Variants in SAR1B observed in about 807,000 individuals in gnomAD.
SAR1B encodes secretion associated Ras related GTPase 1B.
SAR1B carries 23 observed loss-of-function variants against 26.8 expected under a neutral mutation model. That is an observed-to-expected ratio of 0.86 (90% CI 0.62 to 1.22). SAR1B has a LOEUF of 1.22. Among genes scored for constraint, SAR1B ranks in the 50% most tolerant of loss-of-function variants. SAR1B has a pLI of 0.00. For synonymous variants in SAR1B, 65 were observed against 80.8 expected (o/e 0.80, Z 1.05); for missense variants, 196 against 232.8 (o/e 0.84, Z 1.03).
At chr5:134,628,321 G>A (rs1765536002) in intron 1 of SAR1B, among the ~76,000 whole-genome samples, 1 of 147,472 alleles carries the variant, frequency 6.8e-6, no homozygotes, top group African/African-American at 2.5e-5. Context: ...AGTTCTCAGG[G>A]GTCCTGTAAA....
rs1477999252 is a variant in SAR1B at position 134,606,635 on chromosome 5, G to A, written c.*315C>T. The A allele has an allele frequency of 1.3e-5, 4 of 303,518 alleles. No homozygotes were observed. Among genetic ancestry groups the A allele is most frequent in the Non-Finnish European group, 2.6e-5 (4 of 154,814 alleles). The allele number at this position is 303,518 out of a possible 1,614,324, so 18.8% of individuals were successfully genotyped here. ...GATGAGCTTTTAAATATGGTTTATA[G>A]TTTCATGTTGTTAAAAAGTGCTTCA... On this transcript the variant is annotated 3_prime_UTR_variant, in exon 7 of 7. Transcript: ENST00000402673.
intron 1 of SAR1B, among the ~76,000 whole-genome samples, chr5:134,625,553 G>A (rs897117990): frequency 1.3e-5 from 2 of 152,142 alleles, no homozygotes; most frequent in African/African-American, 4.8e-5. Context: ...AAGTCTCTAA[G>A]CCAAAAACAG....
At chr5:134,626,494 G>A (rs1765496810) in intron 1 of SAR1B, among the ~76,000 whole-genome samples, 1 of 151,954 alleles carries the variant, frequency 6.6e-6, no homozygotes, top group Admixed American at 6.6e-5. Flanking sequence ...ACAACACCAT[G>A]AACACACTAT....
intron 3 of SAR1B, among the ~76,000 whole-genome samples, chr5:134,619,910 G>C (rs1765376971): frequency 6.6e-6 from 1 of 152,042 alleles, no homozygotes; most frequent in African/African-American, 2.4e-5. Context: ...ACTTGCACCT[G>C]GGAGTTTAAA....
intron 4 of SAR1B, among the ~76,000 whole-genome samples, chr5:134,611,023 C>A (rs1765204495): frequency 6.6e-6 from 1 of 151,886 alleles, no homozygotes; most frequent in South Asian, 2.1e-4. Flanking sequence ...ATCACTATGC[C>A]CCATTAATTG....
chr5:134,611,513 G>C (rs1765211467), intron 4 of SAR1B, among the ~76,000 whole-genome samples: 1 of 151,550 alleles, frequency 6.6e-6, no homozygotes, highest in Non-Finnish European at 1.5e-5. Context: ...TTGAGGCCAG[G>C]ACTTCAAAAT....
Position 134,606,954 on chromosome 5 carries a change from T to G in SAR1B, c.593A>C (p.Asp198Ala), listed in dbSNP as rs960875347. The change falls in exon 7 of 7, where the codon GAT (aspartate) becomes GCT (alanine). Residue 198 changes from aspartate to alanine, a missense_variant. Coordinates refer to ENST00000402673, the MANE Select transcript of SAR1B (RefSeq NM_016103.4). ...TGGAACCAATGTGAGTTTGTGTTAA[T>G]CAATGTACTGTGCCATCCAGCGGAA... Reference protein sequence around the residue: ...EGFRWMAQYID With the variant: ...EGFRWMAQYIA 1 of 1,605,124 alleles carries G rather than the reference T, an allele frequency of 6.2e-7. No individual in the cohort carries two copies. Among genetic ancestry groups the G allele is most frequent in the African/African-American group, 1.3e-5 (1 of 74,742 alleles).
chr5:134,609,403 C>T (rs181585245), intron 5 of SAR1B, among the ~76,000 whole-genome samples, 168 bp downstream of exon 5: 1 of 152,320 alleles, frequency 6.6e-6, no homozygotes, highest in Admixed American at 6.5e-5. Context: ...GTTACTCCCT[C>T]TGCATTCTAA....
rs1387067911 is a variant in SAR1B, at chr5:134,612,628, G to C, written c.244+63C>G. ...CCACTGCACTCCAGCCTGGGAGACA[G>C]AGTGAGCCTGTCTAAAAAAAAAAAA... is the stretch of plus-strand genomic sequence containing the variant. On this transcript the variant is annotated intron_variant, in intron 4 of 6. Transcript: ENST00000402673. 2.6e-6 allele frequency: 3 copies of C among 1,170,378 alleles called. No homozygotes were observed. The African/African-American group carries it at 6.8e-5, about 27-fold the overall frequency. 72.5% of individuals were successfully genotyped at this position (1,170,378 alleles called of 1,614,324 possible).
At chr5:134,617,974 T>TA (rs1217079630) in intron 3 of SAR1B, among the ~76,000 whole-genome samples, 1 of 152,164 alleles carries the variant, frequency 6.6e-6, no homozygotes, top group East Asian at 1.9e-4. Flanking sequence ...GAATTGTTCT[T>TA]ATATCAGAAT....
At chr5:134,607,180 A>C in intron 6 of SAR1B, 114 bp from the exon 7 acceptor site, 1 of 803,984 alleles carries the variant, frequency 1.2e-6, no homozygotes, top group Non-Finnish European at 2.2e-6. Context: ...TAAATCCATG[A>C]CTGTGATAAA....
chr5:134,621,708 A>C (rs1765411701), intron 2 of SAR1B, among the ~76,000 whole-genome samples: 1 of 152,166 alleles, frequency 6.6e-6, no homozygotes, highest in African/African-American at 2.4e-5. Context: ...ATAGACTGGA[A>C]TTGAACTGCT....
chr5:134,602,776 G>A lies in SAR1B; in HGVS notation c.*4174C>T, dbSNP rs1050685599. ...ACCTGTAATCCCAGCTACTCGGGAT[G>A]GTGAGGCACGAGAATCGCTTGAACC... On this transcript the variant is annotated 3_prime_UTR_variant, in exon 7 of 7. Coordinates refer to ENST00000402673, the MANE Select transcript of SAR1B (RefSeq NM_016103.4). 27 of 152,200 alleles carry A rather than the reference G, an allele frequency of 1.8e-4. 1 individual carries two copies. Among genetic ancestry groups the A allele is most frequent in the African/African-American group, 6.0e-4 (25 of 41,504 alleles). The allele number at this position is 152,200 out of a possible 1,614,324, so 9.4% of individuals were successfully genotyped here.
intron 1 of SAR1B, among the ~76,000 whole-genome samples, chr5:134,629,361 C>A (rs1298067619): frequency 6.6e-6 from 1 of 150,720 alleles, no homozygotes; most frequent in African/African-American, 2.4e-5. Context: ...GAGTTTGAGA[C>A]CAGACTGGGC....
chr5:134,613,009 C>T, intron 3 of SAR1B: 1 of 491,062 alleles, frequency 2.0e-6, no homozygotes. Flanking sequence ...CCCTGGCATA[C>T]TTACACTGGT....
At chr5:134,615,977 T>TAAAAATAC (rs1765307218) in intron 3 of SAR1B, among the ~76,000 whole-genome samples, 2 of 146,784 alleles carry the variant, frequency 1.4e-5, no homozygotes. Flanking sequence ...CCGTCTCTAC[T>TAAAAATAC]AAAAATACAA....
Position 134,606,921 on chromosome 5 carries a change from T to C in SAR1B, c.*29A>G, listed in dbSNP as rs760283624. 11 of 1,431,962 alleles carry C rather than the reference T, an allele frequency of 7.7e-6. No individual in the cohort carries two copies. The South Asian group carries it at 1.3e-4, about 16-fold the overall frequency. The allele number at this position is 1,431,962 out of a possible 1,614,324, so 88.7% of individuals were successfully genotyped here. A position where few individuals can be genotyped will look rare whatever the true frequency, so the allele number is the denominator to read the frequency against. On this transcript the variant is annotated 3_prime_UTR_variant, in exon 7 of 7. Transcript: ENST00000402673. ...TCAAATCTCTGAGTAAGCCTGAACGTTGAGACCTGGAACCAATGTGAGTTT... is the reference window on the plus strand; with the variant it reads ...TCAAATCTCTGAGTAAGCCTGAACGCTGAGACCTGGAACCAATGTGAGTTT...
At chr5:134,632,197 TG>T (rs1237429338) in intron 1 of SAR1B, 1 of 152,160 alleles carries the variant, frequency 6.6e-6, no homozygotes, top group African/African-American at 2.4e-5. Flanking sequence ...AGGGAAACTC[TG>T]TCTCAAAACA....
chr5:134,612,157 C>T (rs1365802252), intron 4 of SAR1B, among the ~76,000 whole-genome samples: 2 of 152,024 alleles, frequency 1.3e-5, no homozygotes, highest in Non-Finnish European at 2.9e-5. Flanking sequence ...TTTTACAGAG[C>T]AGTAACATGT....
Sources: gnomAD v4.1 joint callset for allele counts (sites outside exome capture counted in the v4.1 genomes callset) on GRCh38, gnomAD v4.1.1 for gene constraint, MANE v1.5 for transcripts, NCBI Gene and HGNC (gene_info 2026-07-23, HGNC 2026-07-21) for gene names.